TAF4B: variants seen among roughly 807,000 people sequenced by gnomAD.
TAF4B encodes the protein TATA-box binding protein associated factor 4b.
In TAF4B, 38 loss-of-function variants were observed where a neutral mutation model predicts 86.4. That is an observed-to-expected ratio of 0.44 (90% CI 0.34 to 0.58). The LOEUF (loss-of-function observed/expected upper bound fraction) is 0.58, where lower values mean the gene tolerates loss of function less well. Ranked by LOEUF, TAF4B falls within the 20% of genes least tolerant of loss-of-function variation. The pLI, the probability that TAF4B is intolerant of heterozygous loss-of-function variation, is 0.02. For missense variants in TAF4B, 988 were observed against 1,027.6 expected, an observed-to-expected ratio of 0.96 and a Z score of 0.53; for synonymous variants, 388 against 391.2, an observed-to-expected ratio of 0.99 and a Z score of 0.10.
At chr18:26,317,490 G>A (rs1309753461) in intron 10 of TAF4B, among the ~76,000 whole-genome samples, 1 of 152,190 alleles carries the variant, frequency 6.6e-6, no homozygotes, top group Non-Finnish European at 1.5e-5. Context: ...TATGGTTTCT[G>A]TCACAATTGC....
intron 5 of TAF4B, among the ~76,000 whole-genome samples, chr18:26,275,307 C>T (rs943296371): frequency 2.0e-5 from 3 of 152,098 alleles, no homozygotes; most frequent in Admixed American, 6.5e-5. Context: ...AGGTGTGCAT[C>T]ACCACGCTCG....
chr18:26,323,283 G>C (rs759025155), intron 11 of TAF4B, among the ~76,000 whole-genome samples: 5 of 152,132 alleles, frequency 3.3e-5, no homozygotes, highest in Non-Finnish European at 5.9e-5. Flanking sequence ...TCATCCATCT[G>C]GATGTTCTAT....
At chr18:26,346,907 GTATATATA>G (rs61248095) in intron 13 of TAF4B, among the ~76,000 whole-genome samples, 1 of 11,220 alleles carries the variant, frequency 8.9e-5, no homozygotes, top group African/African-American at 1.8e-4. Flanking sequence ...ATATGTGTGT[GTATATATA>G]TATATATAGT....
intron 1 of TAF4B, among the ~76,000 whole-genome samples, chr18:26,243,281 T>G (rs2055869191): frequency 6.6e-6 from 1 of 151,884 alleles, no homozygotes; most frequent in Non-Finnish European, 1.5e-5. Flanking sequence ...CTTTGTTTAT[T>G]TTTTTTTATT....
intron 9 of TAF4B, among the ~76,000 whole-genome samples, chr18:26,294,995 C>A (rs976170602): frequency 6.7e-6 from 1 of 149,382 alleles, no homozygotes; most frequent in East Asian, 1.9e-4. Context: ...AAAACACTGT[C>A]CAGGAAATGA....
At chr18:26,345,786 C>T (rs779447076) in intron 13 of TAF4B, among the ~76,000 whole-genome samples, 2 of 151,926 alleles carry the variant, frequency 1.3e-5, no homozygotes, top group Non-Finnish European at 2.9e-5. Flanking sequence ...AGATAAATAC[C>T]CATGAAAAGG....
At chr18:26,371,195 T>G (rs1314289562) in intron 14 of TAF4B, among the ~76,000 whole-genome samples, 1 of 152,204 alleles carries the variant, frequency 6.6e-6, no homozygotes, top group Admixed American at 6.5e-5. Flanking sequence ...ATGCTCTAAA[T>G]TCTACTGAAT....
At chr18:26,228,048 C>T (rs544597911) in intron 1 of TAF4B, among the ~76,000 whole-genome samples, 1 of 152,318 alleles carries the variant, frequency 6.6e-6, no homozygotes, top group African/African-American at 2.4e-5. Flanking sequence ...AGCCATGTGT[C>T]AACGCTACTG....
At chr18:26,359,499 C>G (rs1385002853) in intron 14 of TAF4B, among the ~76,000 whole-genome samples, 4 of 152,134 alleles carry the variant, frequency 2.6e-5, no homozygotes, top group African/African-American at 9.7e-5. Context: ...TAAGAAAGGG[C>G]TTTGTAAATT....
chr18:26,367,243 G>T (rs945674828), intron 14 of TAF4B, among the ~76,000 whole-genome samples: 3 of 152,218 alleles, frequency 2.0e-5, no homozygotes, highest in East Asian at 3.8e-4. Flanking sequence ...ACGCTATGCT[G>T]TCTGCAACCT....
chr18:26,314,953 T>G (rs1249300822), intron 9 of TAF4B, among the ~76,000 whole-genome samples: 1 of 152,280 alleles, frequency 6.6e-6, no homozygotes, highest in South Asian at 2.1e-4. Flanking sequence ...TTATTAAATA[T>G]ACATTGGTGG....
At chr18:26,326,834 C>A (rs1218843211) in intron 11 of TAF4B, among the ~76,000 whole-genome samples, 181 bp from the exon 12 acceptor site, 1 of 152,082 alleles carries the variant, frequency 6.6e-6, no homozygotes, top group African/African-American at 2.4e-5. Context: ...ATTAAAGTTT[C>A]TTTTCTGGTG....
intron 13 of TAF4B, among the ~76,000 whole-genome samples, chr18:26,343,534 T>G (rs979095653): frequency 1.3e-4 from 20 of 152,356 alleles, no homozygotes; most frequent in African/African-American, 4.3e-4. Context: ...GAAGTCACAT[T>G]GGAACCTGTG....
chr18:26,253,289 G>C (rs75531981), intron 1 of TAF4B, among the ~76,000 whole-genome samples: 3 of 152,070 alleles, frequency 2.0e-5, no homozygotes, highest in East Asian at 1.9e-4. Flanking sequence ...TGAAAGAAAG[G>C]CTTGTTGAAT....
At chr18:26,297,838 T>C (rs74444660) in intron 9 of TAF4B, among the ~76,000 whole-genome samples, 1,576 of 152,306 alleles carry the variant, frequency 0.01, 28 homozygotes, top group African/African-American at 0.036. Context: ...GATTTTCTTT[T>C]CTATAAATAC....
chr18:26,286,840 C>T (rs542643172), intron 7 of TAF4B, among the ~76,000 whole-genome samples: 3 of 152,222 alleles, frequency 2.0e-5, no homozygotes, highest in South Asian at 2.1e-4. Context: ...TGCACCACCA[C>T]GCCTTTCTAA....
At chr18:26,312,948 A>G (rs2056867479) in intron 9 of TAF4B, among the ~76,000 whole-genome samples, 1 of 152,238 alleles carries the variant, frequency 6.6e-6, no homozygotes, top group Non-Finnish European at 1.5e-5. Context: ...ATAGTACAAC[A>G]TTCAAAAGAT....
intron 14 of TAF4B, chr18:26,366,162 A>G (rs2057370092): frequency 6.6e-6 from 1 of 152,180 alleles, no homozygotes; most frequent in Admixed American, 6.5e-5. Context: ...AGAATTTTTA[A>G]AACCAGATCT....
intron 3 of TAF4B, among the ~76,000 whole-genome samples, chr18:26,273,610 G>C (rs1175480090): frequency 6.6e-6 from 1 of 152,078 alleles, no homozygotes; most frequent in East Asian, 1.9e-4. Flanking sequence ...ACCCAGACTG[G>C]TCTCGAACTC....
Sources: allele counts gnomAD v4.1 joint callset (sites outside exome capture counted in the v4.1 genomes callset), GRCh38; gene constraint gnomAD v4.1.1; transcripts MANE v1.5; gene names NCBI Gene and HGNC (gene_info 2026-07-23, HGNC 2026-07-21).